The following GRID2 variants were observed in gnomAD, a reference collection of about 807,000 sequenced individuals.
GRID2 encodes glutamate receptor ionotropic, delta-2.
GRID2 carries 33 observed loss-of-function variants against 114.8 expected under a neutral mutation model. The ratio of observed to expected loss-of-function variants is 0.29; its 90% CI spans 0.22 to 0.38. The LOEUF is 0.38. Among genes scored for constraint, GRID2 ranks in the 10% least tolerant of loss-of-function variants. GRID2 has a pLI of 1.00. For synonymous variants in GRID2, 505 were observed against 449.9 expected, an observed-to-expected ratio of 1.12 and a Z score of -1.55; for missense variants, 1,184 against 1,257.7, an observed-to-expected ratio of 0.94 and a Z score of 0.89.
chr4:92,559,957 A>C (rs1404202475), intron 1 of GRID2, among the ~76,000 whole-genome samples: 1 of 152,192 alleles, frequency 6.6e-6, no homozygotes, highest in Non-Finnish European at 1.5e-5. Context: ...AAAGAATCAA[A>C]TCAGTATAAT....
intron 2 of GRID2, among the ~76,000 whole-genome samples, chr4:92,687,040 T>G (rs999029786): frequency 3.9e-5 from 6 of 152,174 alleles, no homozygotes; most frequent in Non-Finnish European, 2.9e-5. Context: ...AAGGCTGATA[T>G]CTCACAAACT....
intron 1 of GRID2, among the ~76,000 whole-genome samples, chr4:93,789,350 A>T (rs1264444300): frequency 6.6e-6 from 1 of 152,262 alleles, no homozygotes; most frequent in Non-Finnish European, 1.5e-5. Flanking sequence ...TATTGAAGAC[A>T]ATGTCTGAGC....
At chr4:93,119,780 A>G (rs1300378081) in intron 4 of GRID2, among the ~76,000 whole-genome samples, 1 of 152,216 alleles carries the variant, frequency 6.6e-6, no homozygotes, top group African/African-American at 2.4e-5. Flanking sequence ...GCCTTTGGAA[A>G]GATTTAGGAA....
At chr4:93,175,513 T>A (rs1189890868) in intron 4 of GRID2, among the ~76,000 whole-genome samples, 3 of 152,180 alleles carry the variant, frequency 2.0e-5, no homozygotes, top group African/African-American at 7.2e-5. Flanking sequence ...TGGGCCTTAC[T>A]AGATTTTTGA....
intron 2 of GRID2, among the ~76,000 whole-genome samples, chr4:92,670,670 A>T (rs536468312): frequency 6.6e-6 from 1 of 152,242 alleles, no homozygotes; most frequent in Admixed American, 6.6e-5. Flanking sequence ...TTAATATGTA[A>T]CATATGTAGA....
chr4:93,734,433 A>G (rs1730753637), intron 14 of GRID2, among the ~76,000 whole-genome samples: 1 of 152,064 alleles, frequency 6.6e-6, no homozygotes, highest in Admixed American at 6.6e-5. Flanking sequence ...GATTGTCAGT[A>G]GTGAATGTTT....
chr4:92,926,741 T>A (rs528214635), intron 2 of GRID2, among the ~76,000 whole-genome samples: 75 of 152,000 alleles, frequency 4.9e-4, no homozygotes, highest in African/African-American at 1.8e-3. Flanking sequence ...TAGAGAACAG[T>A]TCTGGAAGCT....
intron 2 of GRID2, among the ~76,000 whole-genome samples, chr4:92,787,038 T>C (rs191981108): frequency 1.4e-4 from 22 of 152,024 alleles, no homozygotes; most frequent in African/African-American, 5.3e-4. Flanking sequence ...TTTGGGTGAT[T>C]TCTGGTGTTT....
chr4:93,370,476 GACAC>G (rs201475954), intron 8 of GRID2, among the ~76,000 whole-genome samples: 81 of 139,344 alleles, frequency 5.8e-4, no homozygotes, highest in African/African-American at 1.9e-3. Flanking sequence ...CGCACACAGA[GACAC>G]ACACACACAC....
chr4:92,517,772 A>G (rs2149136954), intron 1 of GRID2, among the ~76,000 whole-genome samples: 1 of 152,034 alleles, frequency 6.6e-6, no homozygotes, highest in Middle Eastern at 3.4e-3. Context: ...CCAAATATTA[A>G]TACATCTCAC....
intron 2 of GRID2, among the ~76,000 whole-genome samples, chr4:92,685,494 G>C (rs933330332): frequency 6.6e-6 from 1 of 151,988 alleles, no homozygotes; most frequent in African/African-American, 2.4e-5. Context: ...TTACAGATAA[G>C]TTAAAAAATA....
chr4:93,275,936 G>A (rs1451943653), intron 8 of GRID2, among the ~76,000 whole-genome samples: 1 of 151,678 alleles, frequency 6.6e-6, no homozygotes, highest in Non-Finnish European at 1.5e-5. Flanking sequence ...CTTCCTTGAT[G>A]TTATCATTTC....
At position 93,137,966 on chromosome 4, in the gene GRID2, GTTTTTTTTTTTTTTT is replaced by G. The variant is rs753814961; in HGVS notation, c.735+27023_735+27037del. ...AAAGTCTAGCAAGAATTTTTTCTTC[GTTTTTTTTTTTTTTT>G]TTTTTTTTTGAGATAGGGCCTAGCT... On this transcript the variant is annotated intron_variant, in intron 4 of 15. Coordinates refer to ENST00000282020, the MANE Select transcript of GRID2 (RefSeq NM_001510.4). Among the ~76,000 whole-genome samples the G allele has an allele frequency of 1.5e-4, 12 of 78,406 alleles. No homozygotes were observed. The Admixed American group carries it at 2.5e-3, about 16-fold the overall frequency. 51.4% of individuals were successfully genotyped at this position (78,406 alleles called of 152,430 possible).
intron 8 of GRID2, among the ~76,000 whole-genome samples, chr4:93,372,718 T>G (rs549743134): frequency 6.6e-6 from 1 of 152,140 alleles, no homozygotes; most frequent in Non-Finnish European, 1.5e-5. Context: ...CCATCATGGA[T>G]ATGTGCTTTA....
chr4:93,240,016 C>T (rs1747299886), intron 8 of GRID2, among the ~76,000 whole-genome samples: 1 of 151,502 alleles, frequency 6.6e-6, no homozygotes, highest in Middle Eastern at 3.4e-3. Flanking sequence ...GTATTGTTTT[C>T]TATTGTATGG....
chr4:92,481,541 T>G (rs1295561901), intron 1 of GRID2, among the ~76,000 whole-genome samples: 1 of 152,142 alleles, frequency 6.6e-6, no homozygotes, highest in Non-Finnish European at 1.5e-5. Flanking sequence ...TTCTGAATTT[T>G]TTATTCTGTT....
intron 2 of GRID2, among the ~76,000 whole-genome samples, chr4:92,719,726 A>C (rs1404511948): frequency 6.6e-6 from 1 of 152,070 alleles, no homozygotes; most frequent in Non-Finnish European, 1.5e-5. Flanking sequence ...TGAGAACTAC[A>C]GGGGGGAGAA....
At chr4:93,188,105 C>T (rs1428254265) in intron 4 of GRID2, among the ~76,000 whole-genome samples, 1 of 152,200 alleles carries the variant, frequency 6.6e-6, no homozygotes, top group Non-Finnish European at 1.5e-5. Context: ...CTGTACTATT[C>T]TGGAATCTCA....
intron 8 of GRID2, among the ~76,000 whole-genome samples, chr4:93,378,228 C>G (rs1763547579): frequency 6.6e-6 from 1 of 151,982 alleles, no homozygotes; most frequent in Non-Finnish European, 1.5e-5. Flanking sequence ...CTTACTTTAA[C>G]CAAATTAATA....
Sources: allele counts gnomAD v4.1 joint callset (sites outside exome capture counted in the v4.1 genomes callset), GRCh38; gene constraint gnomAD v4.1.1; transcripts MANE v1.5; gene names NCBI Gene and HGNC (gene_info 2026-07-23, HGNC 2026-07-21).